The following ACP5 variants were observed in gnomAD, a reference collection of about 807,000 sequenced individuals.
ACP5 encodes acid phosphatase 5, tartrate resistant, also known as tartrate-resistant acid phosphatase type 5.
ACP5 carries 24 observed loss-of-function variants against 28.7 expected under a neutral mutation model. That is an observed-to-expected ratio of 0.84 (90% confidence interval 0.61 to 1.18). ACP5 has a LOEUF of 1.18. Among genes scored for constraint, ACP5 ranks in the 50% most tolerant of loss-of-function variants. The probability of loss-of-function intolerance (pLI) is 0.00; values close to 1 mark genes in which losing one functional copy is unlikely to be tolerated. For missense variants in ACP5, 354 were observed against 422.2 expected, an observed-to-expected ratio of 0.84 and a Z score of 1.42; for synonymous variants, 154 against 181.4, an observed-to-expected ratio of 0.85 and a Z score of 1.21.
In ACP5 at chr19:11,575,540, T is replaced by G. The variant is rs1973102421; in HGVS notation, c.736-288A>C. On this transcript the variant is annotated intron_variant, in intron 4 of 4. Transcript: ENST00000648477. ...GAATTTGAGACCAGCCTGGGCAACATAGTGAGACCTTGCCTCTACAAAAAA... is the reference window on the plus strand; with the variant it reads ...GAATTTGAGACCAGCCTGGGCAACAGAGTGAGACCTTGCCTCTACAAAAAA... 1.2e-5 allele frequency: 5 copies of G among 426,888 alleles called. No individual in the cohort carries two copies. In the Admixed American group the frequency reaches 1.8e-4, roughly 15 times the overall value. The allele number at this position is 426,888 out of a possible 1,614,324, so 26.4% of individuals were successfully genotyped here.
chr19:11,577,424 G>A lies in ACP5; in HGVS notation c.1-107C>T. On this transcript the variant is annotated intron_variant, in intron 1 of 4. Transcript: ENST00000648477. This position sits in a 1 kb window ranked among gnomAD's most constrained non-coding sequence, Gnocchi z 5.7. The stretch of plus-strand genomic sequence containing the variant: ...AGAGGGAGACTGCTTGCTGCAGGCT[G>A]CCCCTGCGGGAACCCCTTGGTGCCC... The A allele has an allele frequency of 7.7e-7, 1 of 1,295,120 alleles. No individual in the cohort carries two copies. The highest frequency in any genetic ancestry group is 2.5e-5 in the East Asian group (1 of 39,820). The allele number at this position is 1,295,120 out of a possible 1,614,324, so 80.2% of individuals were successfully genotyped here.
At chr19:11,576,181 G>C (rs1030101526) in intron 4 of ACP5, 62 bp downstream of exon 4, 2 of 1,412,914 alleles carry the variant, frequency 1.4e-6, no homozygotes, top group African/African-American at 2.8e-5. Context: ...CCAGCCATGT[G>C]GACATCAGCT....
upstream of ACP5, chr19:11,578,490 CAT>C (rs1317949399): frequency 6.6e-6 from 1 of 152,366 alleles, no homozygotes; most frequent in Non-Finnish European, 1.5e-5. Context: ...CTCTGACCCT[CAT>C]AGTCTCAGCA....
In ACP5 at chr19:11,576,701, C is replaced by A. The variant is rs562918956; in HGVS notation, c.389+15G>T. 20 of 1,613,636 alleles carry A rather than the reference C, an allele frequency of 1.2e-5. No homozygotes were observed. The South Asian group carries it at 2.0e-4, about 16-fold the overall frequency. ...TATGTGAGGATCTCGGAAGGCAGGGCTGAGGGTGGCTCACCAGCGCTTGGA... is the reference window on the plus strand; with the variant it reads ...TATGTGAGGATCTCGGAAGGCAGGGATGAGGGTGGCTCACCAGCGCTTGGA... On this transcript the variant is annotated intron_variant, in intron 3 of 4. Transcript: ENST00000648477.
In ACP5 at chr19:11,576,736, G is replaced by T. The variant is rs747619825; in HGVS notation, c.369C>A (p.Tyr123Ter). ...HLGNVSAQIA[Y>*]SKISKRWNFP... The stretch of plus-strand genomic sequence containing the variant: ...CTCACCAGCGCTTGGAGATCTTAGA[G>T]TATGCAATCTGGGCAGAGACATTGC... The change falls in exon 3 of 5, where the codon TAC becomes TAA. Residue 123 changes from tyrosine to a stop codon, truncating the protein, a stop_gained. Transcript: ENST00000648477. LOFTEE classifies it high-confidence loss of function. 6 of 1,613,980 alleles carry T rather than the reference G, an allele frequency of 3.7e-6. No homozygotes were observed. The highest frequency in any genetic ancestry group is 5.1e-6 in the Non-Finnish European group (6 of 1,180,008).
At position 11,577,523 on chromosome 19, in the gene ACP5, G is replaced by C. The variant is rs927753219; in HGVS notation, c.-1+70C>G. The C allele has an allele frequency of 2.5e-5, 16 of 644,472 alleles. No individual in the cohort carries two copies. Among genetic ancestry groups the C allele is most frequent in the African/African-American group, 2.3e-4 (13 of 55,606 alleles). 39.9% of individuals were successfully genotyped at this position (644,472 alleles called of 1,614,324 possible). On this transcript the variant is annotated intron_variant, in intron 1 of 4. Transcript: ENST00000648477. This position sits in a 1 kb window ranked among gnomAD's most constrained non-coding sequence, Gnocchi z 5.7. ...GGAAGGGGGGCGCGGTCTGTGAGAGGGCGAGCTGTACCAAGATGGCCCTGC... is the reference window on the plus strand; with the variant it reads ...GGAAGGGGGGCGCGGTCTGTGAGAGCGCGAGCTGTACCAAGATGGCCCTGC...
intron 4 of ACP5, chr19:11,575,568 T>A (rs1350372526): frequency 2.6e-6 from 1 of 377,662 alleles, no homozygotes; most frequent in Non-Finnish European, 5.1e-6. Flanking sequence ...ACAAAAAAAA[T>A]GCGCAAGGGC....
chr19:11,576,654 C>T, intron 3 of ACP5, 62 bp downstream of exon 3: 1 of 1,613,874 alleles, frequency 6.2e-7, no homozygotes, highest in Non-Finnish European at 8.5e-7. Context: ...CAGCTCAAGC[C>T]ACAGGGCCCC....
At chr19:11,577,655 C>A, upstream of ACP5, 1 of 444,102 alleles carries the variant, frequency 2.3e-6, no homozygotes, top group Non-Finnish European at 4.2e-6. This position sits in a 1 kb window ranked among gnomAD's most constrained non-coding sequence, Gnocchi z 5.7. Context: ...TAGAGTAGAA[C>A]TGCCGGTCCC....
In ACP5 at chr19:11,577,434, G is replaced by T; in HGVS notation, c.1-117C>A. ...TGCTTGCTGCAGGCTGCCCCTGCGG[G>T]AACCCCTTGGTGCCCTAATTCTCAG... is the stretch of plus-strand genomic sequence containing the variant. On this transcript the variant is annotated intron_variant, in intron 1 of 4. Transcript: ENST00000648477. The surrounding 1 kb of genome is among the most constrained non-coding windows in gnomAD (Gnocchi z 5.7). 2 of 1,197,608 alleles carry T rather than the reference G, an allele frequency of 1.7e-6. No homozygotes were observed. Among genetic ancestry groups the T allele is most frequent in the Non-Finnish European group, 2.4e-6 (2 of 831,416 alleles). The allele number at this position is 1,197,608 out of a possible 1,614,324, so 74.2% of individuals were successfully genotyped here. A position where few individuals can be genotyped will look rare whatever the true frequency, so the allele number is the denominator to read the frequency against.
chr19:11,576,305 G>A lies in ACP5; in HGVS notation c.673C>T (p.Arg225Trp), dbSNP rs765756315. The change falls in exon 4 of 5, where the codon CGG (arginine) becomes TGG (tryptophan). Residue 225 changes from arginine to tryptophan, a missense_variant. Transcript: ENST00000648477. ...ACCCCGTATGTGGCCAGCAGTGGCC[G>A]TAGCTGCTTGACCAGGCAGTGGGTA... ...GPTHCLVKQL[R>W]PLLATYGVTA... The A allele has an allele frequency of 5.7e-5, 92 of 1,611,122 alleles. No individual in the cohort carries two copies. The highest frequency in any genetic ancestry group is 2.1e-4 in the South Asian group (19 of 91,042).
At chr19:11,575,475 G>C in intron 4 of ACP5, 1 of 570,856 alleles carries the variant, frequency 1.8e-6, no homozygotes, top group South Asian at 1.9e-5. Context: ...TGTAATCCCA[G>C]CACTTTGGGA....
Position 11,574,789 on chromosome 19 carries a change from A to G in ACP5, c.*221T>C, listed in dbSNP as rs1029661949. ...AGCAAAGGTGAGCCAGCCACAGAGC[A>G]TAACACTGTGGCTGGGACACATGTC... On this transcript the variant is annotated 3_prime_UTR_variant, in exon 5 of 5. Coordinates refer to ENST00000648477, the MANE Select transcript of ACP5 (RefSeq NM_001611.5). 5.2e-6 allele frequency: 2 copies of G among 387,554 alleles called. No individual in the cohort carries two copies. Among genetic ancestry groups the G allele is most frequent in the East Asian group, 1.4e-4 (2 of 14,368 alleles). 24.0% of individuals were successfully genotyped at this position (387,554 alleles called of 1,614,324 possible). A position where few individuals can be genotyped will look rare whatever the true frequency, so the allele number is the denominator to read the frequency against.
In ACP5 at chr19:11,575,323, G is replaced by T. The variant is rs985931290; in HGVS notation, c.736-71C>A. The T allele has an allele frequency of 3.8e-6, 6 of 1,587,902 alleles. No homozygotes were observed. The African/African-American group carries it at 5.4e-5, about 14-fold the overall frequency. ...GAGCCCTGCCTAAGGTCCAGGGCTC[G>T]ATCTGGCCCTAACCACAGAGTCACC... On this transcript the variant is annotated intron_variant, in intron 4 of 4. Transcript: ENST00000648477.
At position 11,577,114 on chromosome 19, in the gene ACP5, A is replaced by T; in HGVS notation, c.204T>A (p.Ser68=). The T allele has an allele frequency of 6.2e-7, 1 of 1,614,098 alleles. No homozygotes were observed. Among genetic ancestry groups the T allele is most frequent in the Non-Finnish European group, 8.5e-7 (1 of 1,179,998 alleles). Reference sequence around the variant, plus strand: ...CAGTGAAGTAAAAATTGTCCCCTAGAGACAGGATGAAGTCTGCACCCAGGA... The same window carrying T: ...CAGTGAAGTAAAAATTGTCCCCTAGTGACAGGATGAAGTCTGCACCCAGGA... ...VQILGADFIL[S]LGDNFYFTGV... is the part of the protein sequence containing the mutation. Residue 68 remains serine, a synonymous_variant, in exon 2 of 5, where the codon TCT becomes TCA. Transcript: ENST00000648477. This position sits in a 1 kb window ranked among gnomAD's most constrained non-coding sequence, Gnocchi z 5.7.
chr19:11,577,503 G>T lies in ACP5; in HGVS notation c.-1+90C>A. 7 of 701,600 alleles carry T rather than the reference G, an allele frequency of 1.0e-5. No homozygotes were observed. The South Asian group carries it at 1.2e-4, about 12-fold the overall frequency. 43.5% of individuals were successfully genotyped at this position (701,600 alleles called of 1,614,324 possible). On this transcript the variant is annotated intron_variant, in intron 1 of 4. Coordinates refer to ENST00000648477, the MANE Select transcript of ACP5 (RefSeq NM_001611.5). This position sits in a 1 kb window ranked among gnomAD's most constrained non-coding sequence, Gnocchi z 5.7. ...GGCTGCACAAGCTGGCTTAGGGAAG[G>T]GGGGCGCGGTCTGTGAGAGGGCGAG...
rs765343526 is a variant in ACP5 at position 11,576,720 on chromosome 19, G to T, written c.385C>A (p.Arg129Ser). The change falls in exon 3 of 5, where the codon CGC becomes AGC. Residue 129 changes from arginine to serine, a missense_variant. Transcript: ENST00000648477. ...GCAGGGCTGAGGGTGGCTCACCAGC[G>T]CTTGGAGATCTTAGAGTATGCAATC... Reference protein sequence around the residue: ...AQIAYSKISKRWNFPSPFYRL... With the variant: ...AQIAYSKISKSWNFPSPFYRL... 2 of 1,613,902 alleles carry T rather than the reference G, an allele frequency of 1.2e-6. No individual in the cohort carries two copies. Among genetic ancestry groups the T allele is most frequent in the East Asian group, 2.2e-5 (1 of 44,884 alleles).
At position 11,576,826 on chromosome 19, in the gene ACP5, T is replaced by C. The variant is rs1351504233; in HGVS notation, c.279A>G (p.Val93=). 3 of 1,613,970 alleles carry C rather than the reference T, an allele frequency of 1.9e-6. No individual in the cohort carries two copies. The highest frequency in any genetic ancestry group is 2.5e-6 in the Non-Finnish European group (3 of 1,180,024). ...DKRFQETFED[V]FSDRSLRKVP... is the part of the protein sequence containing the mutation. ...CTTTGCGAAGGGAGCGGTCAGAGAA[T>C]ACGTCCTCAAAGGTCTCCTGTAGCA... The change falls in exon 3 of 5, where the codon GTA becomes GTG. Residue 93 remains valine, a synonymous_variant. Transcript: ENST00000648477.
At chr19:11,575,341 G>T in intron 4 of ACP5, 89 bp from the exon 5 acceptor site, 1 of 1,523,726 alleles carries the variant, frequency 6.6e-7, no homozygotes, top group Non-Finnish European at 9.0e-7. Flanking sequence ...CCTAACCACA[G>T]AGTCACCTTG....
Sources: gnomAD v4.1 joint callset for allele counts on GRCh38, gnomAD v4.1.1 for gene constraint, Gnocchi (gnomAD v3.1) non-coding constraint, MANE v1.5 for transcripts, NCBI Gene and HGNC (gene_info 2026-07-23, HGNC 2026-07-21) for gene names.